MTREX: variants seen among roughly 807,000 people sequenced by gnomAD.
MTREX encodes exosome RNA helicase MTR4.
In MTREX, 76 loss-of-function variants were observed where a neutral mutation model predicts 135.4. The observed-to-expected ratio is 0.56, with a 90% CI of 0.47 to 0.68. MTREX has a LOEUF of 0.68. Ranked by LOEUF, MTREX falls within the 30% of genes least tolerant of loss-of-function variation. The pLI is 0.00. For missense variants in MTREX, 920 were observed against 1,262.1 expected, an observed-to-expected ratio of 0.73 and a Z score of 4.11; for synonymous variants, 404 against 401.6, an observed-to-expected ratio of 1.01 and a Z score of -0.07.
Position 55,425,460 on chromosome 5 carries a change from A to G in MTREX, c.*688A>G, listed in dbSNP as rs1751157330. On this transcript the variant is annotated 3_prime_UTR_variant, in exon 27 of 27. Transcript: ENST00000230640. ...ATACTTTGAGGTGTACAGATTAAGC[A>G]TATAAAAAATTAGAGACTAACTGGG... The G allele has an allele frequency of 2.3e-6, 2 of 874,300 alleles. No individual in the cohort carries two copies. The highest frequency in any genetic ancestry group is 1.8e-5 in the African/African-American group (1 of 56,872). 54.2% of individuals were successfully genotyped at this position (874,300 alleles called of 1,614,324 possible).
chr5:55,355,809 A>G (rs902728131), intron 14 of MTREX, among the ~76,000 whole-genome samples: 3 of 152,234 alleles, frequency 2.0e-5, no homozygotes, highest in African/African-American at 4.8e-5. Context: ...CCACTGGAGC[A>G]TAATCTTAAG....
At chr5:55,398,260 A>C (rs230795) in intron 20 of MTREX, among the ~76,000 whole-genome samples, 127,727 of 149,578 alleles carry the variant, frequency 0.85, 54,865 homozygotes, top group South Asian at 0.92. Flanking sequence ...AAAAAAAAAA[A>C]ACAAGGAAGT....
intron 1 of MTREX, among the ~76,000 whole-genome samples, chr5:55,318,184 G>T (rs1749229586): frequency 6.6e-6 from 1 of 152,144 alleles, no homozygotes; most frequent in Non-Finnish European, 1.5e-5. Context: ...GTGTAAATCA[G>T]TTCAACCGTT....
chr5:55,419,264 C>T (rs1204136947), intron 25 of MTREX, among the ~76,000 whole-genome samples: 2 of 152,138 alleles, frequency 1.3e-5, no homozygotes, highest in Non-Finnish European at 2.9e-5. Flanking sequence ...TGTGTGCAAA[C>T]CATATTTGTT....
chr5:55,423,088 G>C (rs1751080362), intron 26 of MTREX, 106 bp downstream of exon 26: 1 of 784,436 alleles, frequency 1.3e-6, no homozygotes, highest in Non-Finnish European at 2.1e-6. Context: ...GTTCTTCACT[G>C]CATTGTCATG....
At chr5:55,351,584 T>A (rs1366162764) in intron 13 of MTREX, among the ~76,000 whole-genome samples, 1 of 152,190 alleles carries the variant, frequency 6.6e-6, no homozygotes, top group Non-Finnish European at 1.5e-5. Flanking sequence ...TACCACAGAA[T>A]GTTGCAGAAG....
At chr5:55,310,332 C>T (rs1245185980) in intron 1 of MTREX, among the ~76,000 whole-genome samples, 2 of 152,174 alleles carry the variant, frequency 1.3e-5, no homozygotes, top group African/African-American at 2.4e-5. Flanking sequence ...AAATCCTGGC[C>T]GGGCGTGGTG....
intron 20 of MTREX, among the ~76,000 whole-genome samples, chr5:55,399,782 T>C (rs1398176778): frequency 1.3e-5 from 2 of 152,168 alleles, no homozygotes; most frequent in African/African-American, 2.4e-5. Flanking sequence ...CCACCGCGCC[T>C]GGCCCTCAGG....
intron 7 of MTREX, 70 bp downstream of exon 7, chr5:55,341,841 A>T: frequency 3.9e-6 from 3 of 774,574 alleles, no homozygotes; most frequent in Non-Finnish European, 6.3e-6. Context: ...TGAGCAAGTT[A>T]TTGTTAAACT....
chr5:55,373,488 C>G (rs1750241008), intron 16 of MTREX, among the ~76,000 whole-genome samples: 1 of 152,056 alleles, frequency 6.6e-6, no homozygotes, highest in Admixed American at 6.6e-5. Context: ...AGATGGTGCA[C>G]TCCATCTCTG....
chr5:55,419,786 A>T (rs1427356861), intron 25 of MTREX, among the ~76,000 whole-genome samples: 1 of 151,782 alleles, frequency 6.6e-6, no homozygotes, highest in African/African-American at 2.4e-5. Flanking sequence ...TATGCTTTTT[A>T]TTTTTTTTCA....
intron 11 of MTREX, among the ~76,000 whole-genome samples, chr5:55,347,465 G>A (rs1262854110): frequency 2.0e-5 from 3 of 152,014 alleles, no homozygotes; most frequent in African/African-American, 7.3e-5. Flanking sequence ...ACCACTTAAG[G>A]GTAGGTCTCA....
chr5:55,369,915 C>CTTTT (rs60011222), intron 16 of MTREX, among the ~76,000 whole-genome samples: 3 of 141,426 alleles, frequency 2.1e-5, no homozygotes, highest in African/African-American at 5.3e-5. Flanking sequence ...TTTCTTTTTT[C>CTTTT]TTTTTTTTTT....
At chr5:55,385,636 ATCTT>A (rs1253237904) in intron 18 of MTREX, among the ~76,000 whole-genome samples, 2 of 151,986 alleles carry the variant, frequency 1.3e-5, no homozygotes, top group African/African-American at 2.4e-5. Flanking sequence ...TTTGGACTAG[ATCTT>A]TCTTTATTTG....
intron 6 of MTREX, among the ~76,000 whole-genome samples, chr5:55,341,267 G>C (rs1749644774): frequency 6.6e-6 from 1 of 152,142 alleles, no homozygotes; most frequent in African/African-American, 2.4e-5. Context: ...AAACAGTCAG[G>C]GATGATCCAG....
chr5:55,359,158 A>G (rs1242574629), intron 15 of MTREX, among the ~76,000 whole-genome samples: 1 of 152,220 alleles, frequency 6.6e-6, no homozygotes, highest in Non-Finnish European at 1.5e-5. Context: ...GATTATAAAT[A>G]TCCCAATCAA....
Position 55,308,005 on chromosome 5 carries a change from C to T in MTREX, c.-9C>T, listed in dbSNP as rs548248975. ...GTAGGAGGGAGATTTGCTCTCACTGCTCCCAAAAATGGCGGACGCATTCGG... is the reference window on the plus strand; with the variant it reads ...GTAGGAGGGAGATTTGCTCTCACTGTTCCCAAAAATGGCGGACGCATTCGG... On this transcript the variant is annotated 5_prime_UTR_variant, in exon 1 of 27. Transcript: ENST00000230640. 5 of 1,614,116 alleles carry T rather than the reference C, an allele frequency of 3.1e-6. No homozygotes were observed. The highest frequency in any genetic ancestry group is 2.2e-5 in the East Asian group (1 of 44,874).
chr5:55,387,640 A>G (rs141446678), intron 18 of MTREX, among the ~76,000 whole-genome samples: 14 of 152,224 alleles, frequency 9.2e-5, no homozygotes, highest in African/African-American at 2.9e-4. Flanking sequence ...TTCTCAATCT[A>G]TTATGTTAGA....
At chr5:55,382,308 C>T (rs1750407888) in intron 18 of MTREX, among the ~76,000 whole-genome samples, 1 of 151,980 alleles carries the variant, frequency 6.6e-6, no homozygotes, top group African/African-American at 2.4e-5. Context: ...CATATATATA[C>T]ACATGTATGT....
Sources: allele counts gnomAD v4.1 joint callset (sites outside exome capture counted in the v4.1 genomes callset), GRCh38; gene constraint gnomAD v4.1.1; transcripts MANE v1.5; gene names NCBI Gene and HGNC (gene_info 2026-07-23, HGNC 2026-07-21).